The following STARD13 variants were observed in gnomAD, a reference collection of about 807,000 sequenced individuals.
The protein encoded by STARD13 is StAR related lipid transfer domain containing 13, also known as stAR-related lipid transfer protein 13.
In STARD13, 62 loss-of-function variants were observed where a neutral mutation model predicts 106.4. The ratio of observed to expected loss-of-function variants is 0.58; its 90% CI spans 0.48 to 0.72. STARD13 has a LOEUF of 0.72. Ranked by LOEUF, STARD13 falls within the 30% of genes least tolerant of loss-of-function variation. The pLI is 0.00. For synonymous variants in STARD13, 565 were observed against 553.0 expected (o/e 1.02, Z -0.31); for missense variants, 1,387 against 1,424.0 (o/e 0.97, Z 0.42).
the STARD13 span, among the ~76,000 whole-genome samples, chr13:33,388,631 C>T: frequency 4.7e-4 from 72 of 152,356 alleles, no homozygotes; most frequent in African/African-American, 1.7e-3. Flanking sequence ...AGTCAGTAAG[C>T]TGCTGCCCTG....
chr13:33,615,045 G>T, the STARD13 span, among the ~76,000 whole-genome samples: 8 of 152,256 alleles, frequency 5.3e-5, no homozygotes, highest in South Asian at 1.7e-3. Context: ...TTAGGAGAGG[G>T]AGGATACTGA....
chr13:33,494,506 A>G, the STARD13 span, among the ~76,000 whole-genome samples: 11 of 152,090 alleles, frequency 7.2e-5, no homozygotes, highest in Non-Finnish European at 5.9e-5. Flanking sequence ...TATAATCAGA[A>G]CAATCAGAGT....
At chr13:33,563,250 C>A in the STARD13 span, among the ~76,000 whole-genome samples, 1 of 146,776 alleles carries the variant, frequency 6.8e-6, no homozygotes, top group African/African-American at 2.5e-5. Context: ...TATGGAACCA[C>A]CAAAGACCCC....
chr13:33,484,598 C>T, the STARD13 span, among the ~76,000 whole-genome samples: 2 of 152,100 alleles, frequency 1.3e-5, no homozygotes, highest in African/African-American at 2.4e-5. Flanking sequence ...CCCTGACCTG[C>T]CTAACTACCT....
the STARD13 span, among the ~76,000 whole-genome samples, chr13:33,580,454 C>A: frequency 1.1e-4 from 17 of 152,182 alleles, no homozygotes; most frequent in East Asian, 3.3e-3. Context: ...TGAAACTATT[C>A]TGTACAATAC....
intron 4 of STARD13, among the ~76,000 whole-genome samples, chr13:33,140,432 A>G (rs910992104): frequency 6.6e-6 from 1 of 152,242 alleles, no homozygotes; most frequent in Admixed American, 6.5e-5. Context: ...CAAGGGGTCT[A>G]TTCAGTCAGA....
chr13:33,598,048 C>T, the STARD13 span, among the ~76,000 whole-genome samples: 1 of 152,166 alleles, frequency 6.6e-6, no homozygotes, highest in African/African-American at 2.4e-5. Context: ...ATCATGTCAT[C>T]TTTGCCACCT....
At chr13:33,536,508 T>C in the STARD13 span, among the ~76,000 whole-genome samples, 1 of 152,234 alleles carries the variant, frequency 6.6e-6, no homozygotes, top group Admixed American at 6.5e-5. Context: ...ACTCAGTCTA[T>C]ATTTACTGCA....
intron 1 of STARD13, among the ~76,000 whole-genome samples, chr13:33,248,030 G>C (rs1889917165): frequency 6.6e-6 from 1 of 152,174 alleles, no homozygotes; most frequent in Non-Finnish European, 1.5e-5. Context: ...TATTAATTTT[G>C]AATAAATGGG....
the STARD13 span, among the ~76,000 whole-genome samples, chr13:33,407,219 G>A: frequency 2.1e-4 from 32 of 152,278 alleles, no homozygotes; most frequent in African/African-American, 7.0e-4. Flanking sequence ...GATGGGCAGC[G>A]GGGTGGTCTC....
the STARD13 span, among the ~76,000 whole-genome samples, chr13:33,407,542 T>C: frequency 7.2e-5 from 11 of 152,262 alleles, no homozygotes; most frequent in Non-Finnish European, 1.3e-4. Flanking sequence ...TTAATCATAA[T>C]TGTAAAAAAT....
chr13:33,590,609 A>G, the STARD13 span, among the ~76,000 whole-genome samples: 1 of 150,556 alleles, frequency 6.6e-6, no homozygotes. Context: ...ACAAAAAACC[A>G]AACACCGCAT....
chr13:33,470,668 T>C, the STARD13 span, among the ~76,000 whole-genome samples: 1 of 152,272 alleles, frequency 6.6e-6, no homozygotes, highest in Non-Finnish European at 1.5e-5. Flanking sequence ...ATTTCTCTAA[T>C]GACCAGTGAT....
At chr13:33,592,440 C>G in the STARD13 span, among the ~76,000 whole-genome samples, 1 of 152,126 alleles carries the variant, frequency 6.6e-6, no homozygotes, top group African/African-American at 2.4e-5. Flanking sequence ...CAATGCATTG[C>G]TTAGGAGGTC....
At chr13:33,555,439 A>C in the STARD13 span, among the ~76,000 whole-genome samples, 1 of 152,236 alleles carries the variant, frequency 6.6e-6, no homozygotes, top group Non-Finnish European at 1.5e-5. Flanking sequence ...GAATGGCCTT[A>C]TTAGGTGTAA....
At position 33,104,937 on chromosome 13, in the gene STARD13, C is replaced by T. The variant is rs1383048886; in HGVS notation, c.*656G>A. ...AGTAATTATTATTTCCTTGCTTTAT[C>T]CCAGATCTCCACTCTCAGTTTTTGA... On this transcript the variant is annotated 3_prime_UTR_variant, in exon 14 of 14. Transcript: ENST00000336934. 1 of 153,224 alleles carries T rather than the reference C, an allele frequency of 6.5e-6. No homozygotes were observed. The highest frequency in any genetic ancestry group is 1.5e-5 in the Non-Finnish European group (1 of 68,038). 9.5% of individuals were successfully genotyped at this position (153,224 alleles called of 1,614,324 possible). A position where few individuals can be genotyped will look rare whatever the true frequency, so the allele number is the denominator to read the frequency against.
At chr13:33,650,164 A>ATGTTTTTTTTTTTTTTTTTT in the STARD13 span, among the ~76,000 whole-genome samples, 2 of 48,358 alleles carry the variant, frequency 4.1e-5, no homozygotes, top group East Asian at 7.3e-4. Flanking sequence ...CGTGACTCCA[A>ATGTTTTTTTTTTTTTTTTTT]TTTTTTTTTT....
chr13:33,209,693 C>A (rs971954843), intron 1 of STARD13, among the ~76,000 whole-genome samples: 2 of 152,130 alleles, frequency 1.3e-5, no homozygotes, highest in African/African-American at 4.8e-5. Context: ...GAGTCCAAGA[C>A]AAGCTGTAGT....
At chr13:33,664,965 C>G in the STARD13 span, among the ~76,000 whole-genome samples, 1 of 152,118 alleles carries the variant, frequency 6.6e-6, no homozygotes, top group Non-Finnish European at 1.5e-5. Context: ...CTCATCCTGA[C>G]GGAAAAGATA....
Sources: allele counts gnomAD v4.1 joint callset (sites outside exome capture counted in the v4.1 genomes callset), GRCh38; gene constraint gnomAD v4.1.1; transcripts MANE v1.5; gene names NCBI Gene and HGNC (gene_info 2026-07-23, HGNC 2026-07-21).